RORA: variants seen among roughly 807,000 people sequenced by gnomAD.
The protein encoded by RORA is RAR related orphan receptor A.
RORA carries 7 observed loss-of-function variants against 69.5 expected under a neutral mutation model. The observed-to-expected ratio is 0.10, with a 90% CI of 0.06 to 0.19. The LOEUF (loss-of-function observed/expected upper bound fraction) is 0.19. Among genes scored for constraint, RORA ranks in the 10% least tolerant of loss-of-function variants. The pLI is 1.00. For synonymous variants in RORA, 261 were observed against 240.8 expected, an observed-to-expected ratio of 1.08 and a Z score of -0.78; for missense variants, 457 against 663.0, an observed-to-expected ratio of 0.69 and a Z score of 3.41.
chr15:60,606,978 G>C (rs1339552023), intron 2 of RORA, among the ~76,000 whole-genome samples: 1 of 152,136 alleles, frequency 6.6e-6, no homozygotes, highest in Non-Finnish European at 1.5e-5. Flanking sequence ...TTACTCCGAG[G>C]CTTTTTTCTC....
At chr15:60,805,438 G>GAGGAGTC (rs1473275455) in intron 1 of RORA, among the ~76,000 whole-genome samples, 6 of 152,324 alleles carry the variant, frequency 3.9e-5, no homozygotes, top group Admixed American at 3.9e-4. Flanking sequence ...AGCCAGAAGG[G>GAGGAGTC]AGGAGTCAGG....
chr15:60,941,837 C>G (rs916934018), intron 1 of RORA, among the ~76,000 whole-genome samples: 1 of 152,152 alleles, frequency 6.6e-6, no homozygotes, highest in African/African-American at 2.4e-5. Flanking sequence ...TAAATGTTTG[C>G]CCTTGAAAAG....
At chr15:60,598,212 G>A (rs1256096260) in intron 2 of RORA, among the ~76,000 whole-genome samples, 1 of 152,170 alleles carries the variant, frequency 6.6e-6, no homozygotes, top group Non-Finnish European at 1.5e-5. Flanking sequence ...CACAGCACCT[G>A]TGCCTGACAT....
At chr15:61,020,343 C>G (rs772013360) in intron 1 of RORA, among the ~76,000 whole-genome samples, 2 of 152,164 alleles carry the variant, frequency 1.3e-5, no homozygotes, top group Non-Finnish European at 2.9e-5. Context: ...ACTCTCTTTG[C>G]CCCAGAAGTA....
chr15:61,114,030 C>T (rs1021356879), intron 1 of RORA, among the ~76,000 whole-genome samples: 3 of 152,288 alleles, frequency 2.0e-5, no homozygotes, highest in Non-Finnish European at 4.4e-5. Context: ...AATTCCTACG[C>T]CAGCAATATG....
At chr15:60,892,106 C>T (rs556915017) in intron 1 of RORA, among the ~76,000 whole-genome samples, 3 of 152,304 alleles carry the variant, frequency 2.0e-5, no homozygotes, top group Admixed American at 6.5e-5. Context: ...CAGTCAGTTA[C>T]GGATGCCTGC....
intron 1 of RORA, among the ~76,000 whole-genome samples, chr15:61,188,631 T>C (rs1596058910): frequency 6.6e-6 from 1 of 152,152 alleles, no homozygotes; most frequent in East Asian, 1.9e-4. Context: ...TAATCATTAA[T>C]GATTTAAAAA....
chr15:61,227,538 G>A (rs2140953788), intron 1 of RORA, among the ~76,000 whole-genome samples: 1 of 152,144 alleles, frequency 6.6e-6, no homozygotes, highest in South Asian at 2.1e-4. Context: ...CTCGAATTCC[G>A]TGAATGGGAA....
chr15:61,183,474 G>T (rs1342445230), intron 1 of RORA, among the ~76,000 whole-genome samples: 1 of 150,070 alleles, frequency 6.7e-6, no homozygotes, highest in Admixed American at 6.7e-5. Context: ...GGGAGAAGTT[G>T]CAGTGAGCCT....
intron 2 of RORA, among the ~76,000 whole-genome samples, chr15:60,623,091 C>T (rs1168043523): frequency 2.6e-5 from 4 of 152,198 alleles, no homozygotes; most frequent in African/African-American, 9.6e-5. Flanking sequence ...CGTGTCTTCC[C>T]TGTGTCTTGC....
At chr15:60,994,698 C>T (rs986183003) in intron 1 of RORA, among the ~76,000 whole-genome samples, 1 of 152,190 alleles carries the variant, frequency 6.6e-6, no homozygotes, top group Non-Finnish European at 1.5e-5. Context: ...GGTCCAAGAG[C>T]GGGGAACAGG....
At chr15:60,732,248 A>G (rs2071438940) in intron 1 of RORA, among the ~76,000 whole-genome samples, 1 of 152,242 alleles carries the variant, frequency 6.6e-6, no homozygotes, top group African/African-American at 2.4e-5. Context: ...AGTAACCATC[A>G]AGGAAAACAG....
chr15:60,845,045 G>A (rs1237330134), intron 1 of RORA, among the ~76,000 whole-genome samples: 1 of 152,054 alleles, frequency 6.6e-6, no homozygotes, highest in African/African-American at 2.4e-5. Context: ...GAGTGTGTGT[G>A]TGTGTGTCCT....
At chr15:60,607,327 TAC>T (rs2068970501) in intron 2 of RORA, among the ~76,000 whole-genome samples, 1 of 152,208 alleles carries the variant, frequency 6.6e-6, no homozygotes, top group Non-Finnish European at 1.5e-5. Context: ...GACAGGGACT[TAC>T]ATAATATATT....
At chr15:61,077,931 T>C (rs1360389562) in intron 1 of RORA, among the ~76,000 whole-genome samples, 2 of 152,160 alleles carry the variant, frequency 1.3e-5, no homozygotes, top group African/African-American at 4.8e-5. Context: ...CCACCACTTT[T>C]GTCTTCTGTT....
At chr15:61,180,185 A>G (rs1037302854) in intron 1 of RORA, among the ~76,000 whole-genome samples, 3 of 151,764 alleles carry the variant, frequency 2.0e-5, no homozygotes, top group African/African-American at 4.8e-5. Context: ...CTGTAGAGCA[A>G]CAATTACTAC....
chr15:61,125,317 G>C (rs1169048566), intron 1 of RORA, among the ~76,000 whole-genome samples: 2 of 152,186 alleles, frequency 1.3e-5, no homozygotes, highest in Non-Finnish European at 2.9e-5. Flanking sequence ...TATTATCCTT[G>C]TTATCTCAGG....
intron 1 of RORA, among the ~76,000 whole-genome samples, chr15:61,082,352 G>A (rs751895578): frequency 4.6e-5 from 7 of 152,228 alleles, no homozygotes; most frequent in Non-Finnish European, 7.3e-5. Flanking sequence ...AGCTGGGCAT[G>A]GTGGTGGGCA....
intron 1 of RORA, among the ~76,000 whole-genome samples, chr15:60,945,765 CATG>C (rs1429902429): frequency 1.3e-5 from 2 of 152,236 alleles, no homozygotes; most frequent in Non-Finnish European, 2.9e-5. Flanking sequence ...TCCCAGTGCA[CATG>C]ATGAGACCTG....
Sources: gnomAD v4.1 joint callset for allele counts (sites outside exome capture counted in the v4.1 genomes callset) on GRCh38, gnomAD v4.1.1 for gene constraint, MANE v1.5 for transcripts, NCBI Gene and HGNC (gene_info 2026-07-23, HGNC 2026-07-21) for gene names.